SLC38A11: variants seen among roughly 807,000 people sequenced by gnomAD.
The protein encoded by SLC38A11 is solute carrier family 38 member 11.
Under a neutral mutation model 49.4 loss-of-function variants are expected in SLC38A11, and 51 were observed. The ratio of observed to expected loss-of-function variants is 1.03; its 90% CI spans 0.83 to 1.30. The LOEUF is 1.30. Ranked by LOEUF, SLC38A11 falls within the 50% of genes most tolerant of loss-of-function variation. The probability of loss-of-function intolerance (pLI) is 0.00; values close to 1 mark genes in which losing one functional copy is unlikely to be tolerated. For synonymous variants in SLC38A11, 203 were observed against 192.9 expected, an observed-to-expected ratio of 1.05 and a Z score of -0.43; for missense variants, 574 against 556.2, an observed-to-expected ratio of 1.03 and a Z score of -0.32.
intron 3 of SLC38A11, among the ~76,000 whole-genome samples, chr2:164,946,823 T>TAC (rs1688143396): frequency 6.6e-6 from 1 of 152,164 alleles, no homozygotes; most frequent in Admixed American, 6.5e-5. Context: ...GCCATTGCAA[T>TAC]ATGGTTTCCC....
At chr2:164,915,725 T>C in intron 8 of SLC38A11, 178 bp downstream of exon 8, 1 of 545,200 alleles carries the variant, frequency 1.8e-6, no homozygotes, top group East Asian at 2.6e-5. Flanking sequence ...CAAATTTTAG[T>C]GATGAGTGAG....
chr2:164,910,340 T>G (rs1685313019), intron 10 of SLC38A11, among the ~76,000 whole-genome samples: 1 of 152,140 alleles, frequency 6.6e-6, no homozygotes, highest in African/African-American at 2.4e-5. Flanking sequence ...ATGCACCATC[T>G]GTTCTTACTT....
rs543968460 is a variant in SLC38A11, at chr2:164,920,779, C to T, written c.618-4806G>A. Among the ~76,000 whole-genome samples the T allele has an allele frequency of 6.6e-5, 10 of 151,670 alleles. 1 individual carries two copies. In the South Asian group the frequency reaches 1.9e-3, roughly 29 times the overall value. The stretch of plus-strand genomic sequence containing the variant: ...GATCATGGATAGAGGGTATACAACA[C>T]AAAAAGGAGGTAAAAGGAAGTCCTA... On this transcript the variant is annotated intron_variant, in intron 7 of 11. Coordinates refer to ENST00000685975, the MANE Select transcript of SLC38A11 (RefSeq NM_001351537.2).
intron 7 of SLC38A11, among the ~76,000 whole-genome samples, chr2:164,928,579 A>G (rs541716308): frequency 6.6e-6 from 1 of 152,332 alleles, no homozygotes; most frequent in East Asian, 1.9e-4. Context: ...TGAGAGACAG[A>G]AAATATACAT....
intron 10 of SLC38A11, among the ~76,000 whole-genome samples, chr2:164,909,739 C>T (rs946946794): frequency 2.6e-5 from 4 of 151,808 alleles, no homozygotes; most frequent in African/African-American, 9.7e-5. Context: ...AGTAGTGACC[C>T]TGTGCAAAAG....
rs1279297950 is a variant in SLC38A11, at chr2:164,896,016, C to G, written c.*2421G>C. Among the ~76,000 whole-genome samples, 1 of 152,080 alleles carries G rather than the reference C, an allele frequency of 6.6e-6. No individual in the cohort carries two copies. The highest frequency in any genetic ancestry group is 1.5e-5 in the Non-Finnish European group (1 of 68,024). ...TTAAGTGTATTGACAGCTTCAAAAA[C>G]TGGTTTAAAACCTTCAAGTTGCTTT... On this transcript the variant is annotated 3_prime_UTR_variant, in exon 12 of 12. Coordinates refer to ENST00000685975, the MANE Select transcript of SLC38A11 (RefSeq NM_001351537.2).
intron 5 of SLC38A11, among the ~76,000 whole-genome samples, chr2:164,942,429 T>C (rs1317238298): frequency 2.3e-5 from 2 of 87,004 alleles, no homozygotes; most frequent in African/African-American, 9.0e-5. Context: ...TGAGACTCTG[T>C]CTCAAAAAAA....
intron 6 of SLC38A11, among the ~76,000 whole-genome samples, chr2:164,939,128 AAAGATGGAATACTTTTCCAAT>A (rs1447327271): frequency 6.6e-6 from 1 of 152,148 alleles, no homozygotes; most frequent in East Asian, 1.9e-4. Context: ...CACCTACACA[AAAGATGGAATACTTTTCCAAT>A]AAATTAGATT....
In SLC38A11 at chr2:164,944,577, A is replaced by G; in HGVS notation, c.422T>C (p.Ile141Thr). Reference protein sequence around the residue: ...GDTLSKVFQRIPGVDPENVFI... With the variant: ...GDTLSKVFQRTPGVDPENVFI... Reference sequence around the variant, plus strand: ...TTTTTATTTTGGCTTACCTCCTGGGATTCTTTGAAAAACTTTGCTCAAAGT... The same window carrying G: ...TTTTTATTTTGGCTTACCTCCTGGGGTTCTTTGAAAAACTTTGCTCAAAGT... The change falls in exon 5 of 12, where the codon ATC becomes ACC. Residue 141 changes from isoleucine (I) to threonine (T), a missense_variant. Coordinates refer to ENST00000685975, the MANE Select transcript of SLC38A11 (RefSeq NM_001351537.2). The G allele has an allele frequency of 7.5e-7, 1 of 1,333,294 alleles. No individual in the cohort carries two copies. Among genetic ancestry groups the G allele is most frequent in the Non-Finnish European group, 9.7e-7 (1 of 1,029,090 alleles). The allele number at this position is 1,333,294 out of a possible 1,614,324, so 82.6% of individuals were successfully genotyped here. A position where few individuals can be genotyped will look rare whatever the true frequency, so the allele number is the denominator to read the frequency against.
chr2:164,904,794 C>G (rs1421289416), intron 11 of SLC38A11, among the ~76,000 whole-genome samples: 1 of 152,152 alleles, frequency 6.6e-6, no homozygotes, highest in African/African-American at 2.4e-5. Flanking sequence ...ACCTTTCTTA[C>G]AGATAAACTC....
chr2:164,917,192 T>C (rs2105465989), intron 7 of SLC38A11, among the ~76,000 whole-genome samples: 2 of 152,202 alleles, frequency 1.3e-5, no homozygotes, highest in Middle Eastern at 6.8e-3. Flanking sequence ...GGGATATTCC[T>C]AGGAAGCATG....
chr2:164,901,161 T>G (rs541249774), intron 11 of SLC38A11, among the ~76,000 whole-genome samples: 175 of 152,218 alleles, frequency 1.1e-3, no homozygotes, highest in African/African-American at 4.0e-3. Context: ...CGGTCTATAT[T>G]TGTGTTTTTA....
intron 11 of SLC38A11, among the ~76,000 whole-genome samples, chr2:164,903,362 A>C (rs1047138671): frequency 6.6e-6 from 1 of 152,188 alleles, no homozygotes; most frequent in Admixed American, 6.6e-5. Context: ...TTCCAAACTT[A>C]ACTTGCTGGG....
intron 7 of SLC38A11, among the ~76,000 whole-genome samples, chr2:164,930,863 G>C (rs2390126): frequency 0.24 from 35,862 of 151,816 alleles, 5,312 homozygotes; most frequent in South Asian, 0.44. Context: ...GGATGCCCTG[G>C]CTCACCACTC....
chr2:164,944,500 C>T (rs1208988202), intron 5 of SLC38A11, 69 bp downstream of exon 5: 2 of 627,316 alleles, frequency 3.2e-6, no homozygotes, highest in Non-Finnish European at 4.7e-6. Flanking sequence ...TAATTATGAA[C>T]CATGTTAACT....
At chr2:164,905,949 A>G (rs1684974867) in intron 11 of SLC38A11, among the ~76,000 whole-genome samples, 1 of 152,194 alleles carries the variant, frequency 6.6e-6, no homozygotes, top group African/African-American at 2.4e-5. Flanking sequence ...TAAGTATAAT[A>G]GAGAATATTT....
rs779046659 is a variant in SLC38A11 at position 164,942,757 on chromosome 2, G to A, written c.430+1812C>T. Among the ~76,000 whole-genome samples the A allele has an allele frequency of 5.3e-5, 8 of 152,222 alleles. No homozygotes were observed. In the East Asian group the frequency reaches 5.8e-4, roughly 11 times the overall value. ...CTGGCACAGAAGCTACAGACAGTTC[G>A]GGGTAACAATAATAATAGCTAATAG... On this transcript the variant is annotated intron_variant, in intron 5 of 11. Coordinates refer to ENST00000685975, the MANE Select transcript of SLC38A11 (RefSeq NM_001351537.2).
intron 7 of SLC38A11, among the ~76,000 whole-genome samples, chr2:164,931,629 A>G (rs1001139667): frequency 1.3e-5 from 2 of 152,180 alleles, no homozygotes; most frequent in African/African-American, 2.4e-5. Flanking sequence ...CACAGCTACA[A>G]CTATCTGATC....
chr2:164,902,814 ATAGT>A (rs1359341860), intron 11 of SLC38A11, among the ~76,000 whole-genome samples: 45 of 152,318 alleles, frequency 3.0e-4, no homozygotes, highest in African/African-American at 1.1e-3. Flanking sequence ...CAGAGAAAGA[ATAGT>A]AGGGACCACA....
Sources: allele counts gnomAD v4.1 joint callset (sites outside exome capture counted in the v4.1 genomes callset), GRCh38; gene constraint gnomAD v4.1.1; transcripts MANE v1.5; gene names NCBI Gene and HGNC (gene_info 2026-07-23, HGNC 2026-07-21).